Variants in GOLGA1 observed in about 807,000 individuals in gnomAD.
The protein encoded by GOLGA1 is golgin subfamily A member 1.
A neutral mutation model predicts 119.7 loss-of-function variants in GOLGA1; 63 were observed. That is an observed-to-expected ratio of 0.53 (90% CI 0.43 to 0.65). The LOEUF (loss-of-function observed/expected upper bound fraction) is 0.65, where lower values mean the gene tolerates loss of function less well. GOLGA1 is among the 30% of genes least tolerant of loss of function. GOLGA1 has a pLI of 0.00. For missense variants in GOLGA1, 798 were observed against 912.8 expected, an observed-to-expected ratio of 0.87 and a Z score of 1.62; for synonymous variants, 318 against 333.4, an observed-to-expected ratio of 0.95 and a Z score of 0.50.
intron 7 of GOLGA1, among the ~76,000 whole-genome samples, chr9:124,925,662 T>C (rs1476612757): frequency 6.6e-6 from 1 of 152,008 alleles, no homozygotes; most frequent in Non-Finnish European, 1.5e-5. Flanking sequence ...GAGGCTGCAC[T>C]GAGCTGTGAT....
intron 3 of GOLGA1, among the ~76,000 whole-genome samples, chr9:124,937,061 T>C (rs965396321): frequency 6.6e-6 from 1 of 152,220 alleles, no homozygotes; most frequent in Non-Finnish European, 1.5e-5. Flanking sequence ...TAGTGTTCTA[T>C]CTCTTCAGAT....
intron 15 of GOLGA1, among the ~76,000 whole-genome samples, chr9:124,894,553 C>T (rs1829922380): frequency 6.6e-6 from 1 of 152,148 alleles, no homozygotes; most frequent in Admixed American, 6.5e-5. Context: ...TACTCAGAAT[C>T]TGCTCCAATT....
chr9:124,882,799 G>T (rs1291516533), intron 19 of GOLGA1, among the ~76,000 whole-genome samples: 1 of 152,166 alleles, frequency 6.6e-6, no homozygotes, highest in Non-Finnish European at 1.5e-5. Context: ...ACGTCCCACA[G>T]GGGCCACAGT....
chr9:124,919,267 AAAAAG>A, intron 10 of GOLGA1, among the ~76,000 whole-genome samples: 1 of 152,300 alleles, frequency 6.6e-6, no homozygotes, highest in East Asian at 1.9e-4. Flanking sequence ...AAAAAAGAAA[AAAAAG>A]AAAAGAAAAA....
chr9:124,902,738 C>T (rs1347325984), intron 12 of GOLGA1, among the ~76,000 whole-genome samples: 6 of 152,172 alleles, frequency 3.9e-5, no homozygotes, highest in Non-Finnish European at 5.9e-5. Context: ...ATCCGCCCGC[C>T]TCAGCCTCCC....
chr9:124,930,154 G>A (rs1224290874), intron 4 of GOLGA1, among the ~76,000 whole-genome samples: 3 of 152,150 alleles, frequency 2.0e-5, no homozygotes, highest in East Asian at 3.9e-4. Context: ...AGTGGGCCCA[G>A]TAAATGTCAG....
intron 3 of GOLGA1, among the ~76,000 whole-genome samples, chr9:124,931,814 T>C (rs139682474): frequency 6.6e-6 from 1 of 152,340 alleles, no homozygotes; most frequent in Non-Finnish European, 1.5e-5. Flanking sequence ...TTCACCGATA[T>C]TGATAAAGTT....
chr9:124,892,048 G>T (rs189569439), intron 15 of GOLGA1, among the ~76,000 whole-genome samples: 1 of 151,390 alleles, frequency 6.6e-6, no homozygotes, highest in Non-Finnish European at 1.5e-5. Context: ...TCTGACTCCC[G>T]GGTTCAAACA....
intron 19 of GOLGA1, 117 bp from the exon 20 acceptor site, chr9:124,882,686 G>C (rs1056302877): frequency 1.3e-6 from 1 of 779,592 alleles, no homozygotes; most frequent in East Asian, 2.6e-5. Context: ...TCTGCCCTGA[G>C]AAGTCATCCT....
intron 12 of GOLGA1, among the ~76,000 whole-genome samples, chr9:124,907,380 A>G (rs1830255438): frequency 6.6e-6 from 1 of 152,234 alleles, no homozygotes; most frequent in Non-Finnish European, 1.5e-5. Flanking sequence ...AAAATTATAA[A>G]GTTAATAGGG....
At position 124,881,786 on chromosome 9, in the gene GOLGA1, C is replaced by T. The variant is rs1239343276; in HGVS notation, c.2134G>A (p.Glu712Lys). The change falls in exon 21 of 23, where the codon GAG (glutamate) becomes AAG (lysine). Residue 712 changes from glutamate to lysine, a missense_variant and splice_region_variant. Glu to Lys is a moderately conservative substitution (Grantham distance 56). Transcript: ENST00000373555. The surrounding 1 kb of genome is among the most constrained non-coding windows in gnomAD (Gnocchi z 4.9). ...AAGACACCTCAAAAGCCCTTTACCT[C>T]GGATTCGCGACAAGACATGAATTTT... ...VLKFMSCRES[E>K]AFHLIKAVSV... 6.8e-6 allele frequency: 11 copies of T among 1,607,658 alleles called. No individual in the cohort carries two copies. The highest frequency in any genetic ancestry group is 1.1e-5 in the South Asian group (1 of 90,320).
At chr9:124,941,541 A>G (rs1286360677), upstream of GOLGA1, among the ~76,000 whole-genome samples, 1 of 152,198 alleles carries the variant, frequency 6.6e-6, no homozygotes, top group Non-Finnish European at 1.5e-5. Context: ...CTGCGCCTCC[A>G]GCTTCACTCA....
chr9:124,941,341 G>A (rs554456443), upstream of GOLGA1, among the ~76,000 whole-genome samples: 2 of 152,362 alleles, frequency 1.3e-5, no homozygotes, highest in Non-Finnish European at 2.9e-5. Context: ...ACAGGGGCGC[G>A]TGCAGAGCGT....
intron 3 of GOLGA1, among the ~76,000 whole-genome samples, chr9:124,934,636 A>G (rs571365561): frequency 5.3e-5 from 8 of 152,306 alleles, no homozygotes. Context: ...GAAGACCATG[A>G]CAGTTTACCA....
At chr9:124,911,154 C>T (rs1456962386) in intron 11 of GOLGA1, among the ~76,000 whole-genome samples, 3 of 152,126 alleles carry the variant, frequency 2.0e-5, no homozygotes, top group East Asian at 1.9e-4. Flanking sequence ...TGGCAGTGAG[C>T]GTGGGAGACT....
chr9:124,920,732 G>C (rs1490868410), intron 10 of GOLGA1, among the ~76,000 whole-genome samples: 1 of 151,734 alleles, frequency 6.6e-6, no homozygotes, highest in Non-Finnish European at 1.5e-5. Context: ...TCAGGAGTTT[G>C]AGACCAGCCT....
intron 7 of GOLGA1, among the ~76,000 whole-genome samples, chr9:124,926,329 T>C (rs968535208): frequency 2.0e-5 from 3 of 152,162 alleles, no homozygotes; most frequent in Non-Finnish European, 4.4e-5. Flanking sequence ...AGAGCCCACA[T>C]GGAGAAAGGT....
At chr9:124,945,111 C>T (rs1040432475), upstream of GOLGA1, 1 of 151,954 alleles carries the variant, frequency 6.6e-6, no homozygotes, top group Non-Finnish European at 1.5e-5. Context: ...GAAATTGATA[C>T]CCAATTTATA....
Position 124,881,066 on chromosome 9 carries a change from C to T in GOLGA1, c.2223+105G>A. ...CAGCCAAGCTGATCATGCAGCTGTG[C>T]TGGTGCCTACACTCGGGTGTGGGTC... On this transcript the variant is annotated intron_variant, in intron 22 of 22. Transcript: ENST00000373555. This position sits in a 1 kb window ranked among gnomAD's most constrained non-coding sequence, Gnocchi z 4.9. 1 of 742,406 alleles carries T rather than the reference C, an allele frequency of 1.3e-6. No homozygotes were observed. The highest frequency in any genetic ancestry group is 2.5e-6 in the Non-Finnish European group (1 of 402,858). The allele number at this position is 742,406 out of a possible 1,614,324, so 46.0% of individuals were successfully genotyped here. A position where few individuals can be genotyped will look rare whatever the true frequency, so the allele number is the denominator to read the frequency against.
Sources: allele counts gnomAD v4.1 joint callset (sites outside exome capture counted in the v4.1 genomes callset), GRCh38; gene constraint gnomAD v4.1.1; non-coding constraint Gnocchi (gnomAD v3.1); transcripts MANE v1.5; gene names NCBI Gene and HGNC (gene_info 2026-07-23, HGNC 2026-07-21).